The following COPG2 variants were observed in gnomAD, a reference collection of about 807,000 sequenced individuals.
The protein encoded by COPG2 is coatomer subunit gamma-2.
A neutral mutation model predicts 46.3 loss-of-function variants in COPG2; 37 were observed. The observed-to-expected ratio is 0.80, with a 90% CI of 0.61 to 1.05. COPG2 has a LOEUF of 1.05. COPG2 is among the 50% of genes least tolerant of loss of function. The probability of loss-of-function intolerance (pLI) is 0.00; values close to 1 mark genes in which losing one functional copy is unlikely to be tolerated. For synonymous variants in COPG2, 159 were observed against 129.7 expected, an observed-to-expected ratio of 1.23 and a Z score of -1.53; for missense variants, 427 against 387.8, an observed-to-expected ratio of 1.10 and a Z score of -0.85.
At chr7:130,541,169 A>G (rs1317713358) in intron 20 of COPG2, among the ~76,000 whole-genome samples, 1 of 152,170 alleles carries the variant, frequency 6.6e-6, no homozygotes, top group Admixed American at 6.5e-5. Context: ...GATGACAGCG[A>G]GCAGATGGAT....
intron 20 of COPG2, among the ~76,000 whole-genome samples, chr7:130,545,828 A>C (rs1793433941): frequency 6.8e-6 from 1 of 147,706 alleles, no homozygotes; most frequent in Admixed American, 6.7e-5. Context: ...GGGCAAGAAA[A>C]CCTCTCCTCT....
At position 130,509,550 on chromosome 7, in the gene COPG2, T is replaced by C. The variant is rs773749969; in HGVS notation, c.2150-891A>G. ...AGATGTGAAGACCATATACGACAGATTGGGTAATAAGACTTTCATCTGCTC... is the reference window on the plus strand; with the variant it reads ...AGATGTGAAGACCATATACGACAGACTGGGTAATAAGACTTTCATCTGCTC... On this transcript the variant is annotated intron_variant, in intron 20 of 23. Transcript: ENST00000425248. 22 of 416,162 alleles carry C rather than the reference T, an allele frequency of 5.3e-5. No homozygotes were observed. The East Asian group carries it at 9.3e-4, about 18-fold the overall frequency. 25.8% of individuals were successfully genotyped at this position (416,162 alleles called of 1,614,324 possible).
At chr7:130,566,355 C>T (rs1793802795) in intron 9 of COPG2, among the ~76,000 whole-genome samples, 1 of 152,190 alleles carries the variant, frequency 6.6e-6, no homozygotes, top group South Asian at 2.1e-4. Context: ...AAAGGGAATG[C>T]TTACACACTG....
intron 9 of COPG2, among the ~76,000 whole-genome samples, chr7:130,607,031 A>G (rs1794746614): frequency 6.6e-6 from 1 of 152,002 alleles, no homozygotes; most frequent in African/African-American, 2.4e-5. Flanking sequence ...GCTTGAGCTC[A>G]GGAGTTTGAG....
intron 9 of COPG2, among the ~76,000 whole-genome samples, chr7:130,586,447 C>A (rs1230448320): frequency 6.6e-6 from 1 of 151,944 alleles, no homozygotes; most frequent in Non-Finnish European, 1.5e-5. Flanking sequence ...ACCACCTGTA[C>A]CCCAATAACT....
intron 6 of COPG2, among the ~76,000 whole-genome samples, chr7:130,613,902 G>A (rs571146408): frequency 2.0e-5 from 3 of 152,236 alleles, no homozygotes; most frequent in South Asian, 2.1e-4. Flanking sequence ...TCAAAATGGA[G>A]AATCTCAGTT....
intron 5 of COPG2, among the ~76,000 whole-genome samples, chr7:130,647,770 G>A (rs1328378739): frequency 6.8e-6 from 1 of 146,144 alleles, no homozygotes; most frequent in Non-Finnish European, 1.5e-5. Flanking sequence ...TCACTCGGTC[G>A]CCCAGGCTGG....
At chr7:130,532,644 G>A (rs1415334576) in intron 20 of COPG2, among the ~76,000 whole-genome samples, 1 of 152,164 alleles carries the variant, frequency 6.6e-6, no homozygotes, top group African/African-American at 2.4e-5. Context: ...GGGATTCAGA[G>A]GCAGAGGCTC....
intron 20 of COPG2, among the ~76,000 whole-genome samples, chr7:130,525,880 G>T (rs1322192557): frequency 6.6e-6 from 1 of 151,922 alleles, no homozygotes; most frequent in African/African-American, 2.4e-5. Flanking sequence ...CAGAGAGTGG[G>T]ACCTATGTAA....
At chr7:130,592,981 T>C (rs144457008) in intron 9 of COPG2, among the ~76,000 whole-genome samples, 9 of 152,394 alleles carry the variant, frequency 5.9e-5, no homozygotes, top group Middle Eastern at 6.8e-3. Flanking sequence ...ATTAGACTTC[T>C]ATACACTGAC....
At chr7:130,575,479 A>C (rs1793985519) in intron 9 of COPG2, among the ~76,000 whole-genome samples, 1 of 152,168 alleles carries the variant, frequency 6.6e-6, no homozygotes, top group Admixed American at 6.5e-5. Context: ...GGAAAGATAC[A>C]GTCTTTTTCA....
chr7:130,653,380 G>A (rs1795787765), intron 4 of COPG2, among the ~76,000 whole-genome samples: 1 of 152,018 alleles, frequency 6.6e-6, no homozygotes, highest in South Asian at 2.1e-4. Context: ...CAGCCTCCTG[G>A]GTAGCTGGAA....
rs558563964 is a variant in COPG2 at position 130,591,582 on chromosome 7, C to T, written c.737+19371G>A. Among the ~76,000 whole-genome samples, 715 of 140,262 alleles carry T rather than the reference C, an allele frequency of 5.1e-3. 1 individual carries two copies. Among genetic ancestry groups the T allele is most frequent in the Non-Finnish European group, 7.2e-3 (455 of 63,514 alleles). 92.0% of individuals were successfully genotyped at this position (140,262 alleles called of 152,430 possible). A position where few individuals can be genotyped will look rare whatever the true frequency, so the allele number is the denominator to read the frequency against. On this transcript the variant is annotated intron_variant, in intron 9 of 23. Coordinates refer to ENST00000425248, the MANE Select transcript of COPG2 (RefSeq NM_012133.6). ...AGGAGCCCCTCTGCCCGGCCAGCCG[C>T]CCCGTCCGGGAAGGAGGTGGGGGGG...
At chr7:130,541,008 C>T (rs939479516) in intron 20 of COPG2, among the ~76,000 whole-genome samples, 7,595 of 152,210 alleles carry the variant, frequency 0.05, 289 homozygotes, top group Non-Finnish European at 0.068. Flanking sequence ...CCTGCATTCT[C>T]GGGTGAGAAT....
intron 5 of COPG2, among the ~76,000 whole-genome samples, chr7:130,629,627 C>T (rs1240567176): frequency 6.6e-6 from 1 of 151,944 alleles, no homozygotes; most frequent in East Asian, 1.9e-4. Flanking sequence ...AACTCCTGAC[C>T]TCAGGTGATC....
intron 5 of COPG2, among the ~76,000 whole-genome samples, chr7:130,636,823 G>C (rs1016240544): frequency 6.6e-6 from 1 of 152,090 alleles, no homozygotes. Flanking sequence ...AGTGTCAATG[G>C]TCTTTACCAT....
chr7:130,605,076 A>G (rs886582202), intron 9 of COPG2: 13 of 440,500 alleles, frequency 3.0e-5, no homozygotes. Context: ...TTGCTTCCAG[A>G]TTCCAATTAC....
intron 20 of COPG2, among the ~76,000 whole-genome samples, chr7:130,531,949 A>G (rs1281263110): frequency 6.6e-6 from 1 of 152,176 alleles, no homozygotes; most frequent in Non-Finnish European, 1.5e-5. Context: ...AAGGGAAAAA[A>G]TCAATCTCTA....
intron 20 of COPG2, among the ~76,000 whole-genome samples, chr7:130,522,457 T>A (rs1016636270): frequency 6.6e-6 from 1 of 152,062 alleles, no homozygotes; most frequent in African/African-American, 2.4e-5. Flanking sequence ...ACAGAAAATA[T>A]TGTACGGGTG....
Sources: gnomAD v4.1 joint callset for allele counts (sites outside exome capture counted in the v4.1 genomes callset) on GRCh38, gnomAD v4.1.1 for gene constraint, MANE v1.5 for transcripts, NCBI Gene and HGNC (gene_info 2026-07-23, HGNC 2026-07-21) for gene names.